The following TRIM44 variants were observed in gnomAD, a reference collection of about 807,000 sequenced individuals.
The protein encoded by TRIM44 is tripartite motif containing 44.
A neutral mutation model predicts 37.4 loss-of-function variants in TRIM44; 13 were observed. The ratio of observed to expected loss-of-function variants is 0.35; its 90% confidence interval spans 0.23 to 0.55. The LOEUF is 0.55. TRIM44 is among the 20% of genes least tolerant of loss of function. The pLI, the probability that TRIM44 is intolerant of heterozygous loss-of-function variation, is 0.89. For missense variants in TRIM44, 426 were observed against 437.2 expected, an observed-to-expected ratio of 0.97 and a Z score of 0.23; for synonymous variants, 175 against 157.2, an observed-to-expected ratio of 1.11 and a Z score of -0.85.
intron 4 of TRIM44, among the ~76,000 whole-genome samples, chr11:35,774,383 G>C (rs1008172535): frequency 3.3e-5 from 5 of 152,066 alleles, no homozygotes; most frequent in Non-Finnish European, 2.9e-5. Flanking sequence ...TTGTCAGATG[G>C]GTAGATTGTA....
rs192347663 is a variant in TRIM44 at position 35,760,276 on chromosome 11, G to A, written c.1007+24831G>A. Among the ~76,000 whole-genome samples the A allele has an allele frequency of 4.9e-3, 740 of 152,314 alleles. 2 individuals are homozygous for A. Among genetic ancestry groups the A allele is most frequent in the African/African-American group, 7.1e-3 (295 of 41,574 alleles). ...TAGCAATCAGCGAGGCTCCGTGGGC[G>A]TAGGACCCTCCGAGCCAGGCATGGG... On this transcript the variant is annotated intron_variant, in intron 4 of 4. Transcript: ENST00000299413.
intron 2 of TRIM44, among the ~76,000 whole-genome samples, chr11:35,722,993 A>ATC (rs768156795): frequency 6.6e-6 from 1 of 151,200 alleles, no homozygotes; most frequent in African/African-American, 2.4e-5. Context: ...TTGTTTTTCA[A>ATC]TCTCTCTCTC....
intron 1 of TRIM44, among the ~76,000 whole-genome samples, chr11:35,672,488 G>A (rs1379655057): frequency 6.6e-6 from 1 of 152,188 alleles, no homozygotes; most frequent in African/African-American, 2.4e-5. Flanking sequence ...TAAATATATA[G>A]CATTTGTGGA....
intron 3 of TRIM44, among the ~76,000 whole-genome samples, chr11:35,729,542 C>G (rs926306186): frequency 2.0e-4 from 31 of 152,160 alleles, no homozygotes; most frequent in Non-Finnish European, 4.3e-4. Context: ...CTATGCACTT[C>G]CCCAGCTGAG....
intron 4 of TRIM44, among the ~76,000 whole-genome samples, chr11:35,750,487 C>G (rs1852546740): frequency 6.6e-6 from 1 of 152,190 alleles, no homozygotes; most frequent in African/African-American, 2.4e-5. Context: ...AGGCCACCTT[C>G]TTGGAGCTCC....
intron 4 of TRIM44, among the ~76,000 whole-genome samples, chr11:35,759,829 A>G (rs545646659): frequency 1.3e-5 from 2 of 152,138 alleles, no homozygotes; most frequent in Admixed American, 1.3e-4. Flanking sequence ...TGAACAGCAA[A>G]TGTTGCTGCC....
At chr11:35,669,634 C>G (rs1851370515) in intron 1 of TRIM44, among the ~76,000 whole-genome samples, 1 of 151,988 alleles carries the variant, frequency 6.6e-6, no homozygotes, top group African/African-American at 2.4e-5. Context: ...CACCACCATG[C>G]CCAGCTAATT....
chr11:35,719,358 T>G (rs901049395), intron 2 of TRIM44, among the ~76,000 whole-genome samples: 6 of 152,222 alleles, frequency 3.9e-5, no homozygotes, highest in Admixed American at 3.9e-4. Flanking sequence ...TTCATGTGCT[T>G]ATTTGCCATC....
intron 4 of TRIM44, among the ~76,000 whole-genome samples, chr11:35,780,409 C>T (rs1853047664): frequency 6.6e-6 from 1 of 152,196 alleles, no homozygotes; most frequent in South Asian, 2.1e-4. Context: ...CTCCCTTATA[C>T]AGCAGCTTGA....
chr11:35,731,170 A>C (rs1274851749), intron 3 of TRIM44, among the ~76,000 whole-genome samples: 1 of 152,176 alleles, frequency 6.6e-6, no homozygotes, highest in Non-Finnish European at 1.5e-5. Context: ...TGCCTTGTTC[A>C]TAATCTTAGA....
chr11:35,740,767 A>T (rs1440045202), intron 4 of TRIM44, among the ~76,000 whole-genome samples: 1 of 151,804 alleles, frequency 6.6e-6, no homozygotes, highest in Non-Finnish European at 1.5e-5. Context: ...ACCCCTCTTC[A>T]CTCTTTCCTC....
chr11:35,750,319 C>T (rs1012143523), intron 4 of TRIM44, among the ~76,000 whole-genome samples: 2 of 152,184 alleles, frequency 1.3e-5, no homozygotes, highest in African/African-American at 4.8e-5. Context: ...GCTCAACTCA[C>T]ATTAAAGGAT....
chr11:35,814,432 G>T lies in TRIM44; in HGVS notation c.*8047G>T, dbSNP rs1351917518. On this transcript the variant is annotated 3_prime_UTR_variant, in exon 5 of 5. Transcript: ENST00000299413. ...CAAAGAATTGCTTGCATCTAATAAT[G>T]GTGTAATGCCAATACTAAGCCCTGG... The T allele has an allele frequency of 3.3e-5, 5 of 152,132 alleles. 1 individual carries two copies. The highest frequency in any genetic ancestry group is 7.4e-5 in the Non-Finnish European group (5 of 68,022). 9.4% of individuals were successfully genotyped at this position (152,132 alleles called of 1,614,324 possible). A position where few individuals can be genotyped will look rare whatever the true frequency, so the allele number is the denominator to read the frequency against.
At chr11:35,768,075 G>A (rs1852820149) in intron 4 of TRIM44, among the ~76,000 whole-genome samples, 1 of 152,178 alleles carries the variant, frequency 6.6e-6, no homozygotes, top group South Asian at 2.1e-4. Flanking sequence ...CACTGCCCAA[G>A]GCATAGCGGA....
At chr11:35,756,959 G>A (rs1057462756) in intron 4 of TRIM44, among the ~76,000 whole-genome samples, 25 of 152,114 alleles carry the variant, frequency 1.6e-4, no homozygotes, top group Admixed American at 4.6e-4. Context: ...ATATTGGTCT[G>A]AAATTCTCTT....
At chr11:35,804,065 A>G (rs1180814581) in intron 4 of TRIM44, among the ~76,000 whole-genome samples, 1 of 152,036 alleles carries the variant, frequency 6.6e-6, no homozygotes, top group Non-Finnish European at 1.5e-5. Context: ...CCTAGAGGGC[A>G]ACTCCCGTGT....
At chr11:35,787,739 TAGTG>T (rs1467670021) in intron 4 of TRIM44, among the ~76,000 whole-genome samples, 3 of 152,156 alleles carry the variant, frequency 2.0e-5, no homozygotes, top group African/African-American at 7.2e-5. Context: ...ACACCTGTGG[TAGTG>T]AGTGTCAATG....
At chr11:35,767,150 G>T (rs1260874184) in intron 4 of TRIM44, among the ~76,000 whole-genome samples, 1 of 152,158 alleles carries the variant, frequency 6.6e-6, no homozygotes, top group African/African-American at 2.4e-5. Context: ...ACATCAATGT[G>T]TGTGTGTCAG....
At chr11:35,758,117 T>TA (rs1431153569) in intron 4 of TRIM44, among the ~76,000 whole-genome samples, 9 of 152,290 alleles carry the variant, frequency 5.9e-5, no homozygotes, top group African/African-American at 2.2e-4. Context: ...TCTCCCATTA[T>TA]TATTGTGTGG....
Sources: gnomAD v4.1 joint callset for allele counts (sites outside exome capture counted in the v4.1 genomes callset) on GRCh38, gnomAD v4.1.1 for gene constraint, MANE v1.5 for transcripts, NCBI Gene and HGNC (gene_info 2026-07-23, HGNC 2026-07-21) for gene names.